Variants in TMEM114 observed in about 807,000 individuals in gnomAD.
TMEM114 encodes claudin-26.
TMEM114 carries 6 observed loss-of-function variants against 6.2 expected under a neutral mutation model. The ratio of observed to expected loss-of-function variants is 0.97; its 90% CI spans 0.53 to 1.91. The LOEUF (loss-of-function observed/expected upper bound fraction) is 1.91, where lower values mean the gene tolerates loss of function less well. Ranked by LOEUF, TMEM114 falls within the 40% of genes most tolerant of loss-of-function variation. The pLI is 0.01. For missense variants in TMEM114, 218 were observed against 158.3 expected (o/e 1.38, Z -2.02); for synonymous variants, 104 against 73.0 (o/e 1.42, Z -2.16).
At chr16:8,572,283 T>C in intron 2 of TMEM114, 59 bp from the exon 3 acceptor site, 1 of 1,544,164 alleles carries the variant, frequency 6.5e-7, no homozygotes, top group Non-Finnish European at 8.8e-7. Context: ...CTTCATTCAA[T>C]CAACAAACAC....
intron 2 of TMEM114, among the ~76,000 whole-genome samples, chr16:8,541,035 G>A (rs1900501706): frequency 1.3e-5 from 2 of 151,982 alleles, no homozygotes; most frequent in African/African-American, 4.8e-5. Context: ...GTAGAGTGAG[G>A]TGAGGCTGAG....
At chr16:8,569,404 T>A (rs1045079039), downstream of TMEM114, 19 of 1,057,652 alleles carry the variant, frequency 1.8e-5, no homozygotes, top group African/African-American at 2.8e-4. Context: ...CCTCTCCCTT[T>A]CCCAGACCCA....
At chr16:8,541,090 G>A (rs1009957201) in intron 2 of TMEM114, among the ~76,000 whole-genome samples, 1 of 152,110 alleles carries the variant, frequency 6.6e-6, no homozygotes, top group African/African-American at 2.4e-5. Context: ...TGATAATAAT[G>A]ACCACAAATA....
intron 2 of TMEM114, among the ~76,000 whole-genome samples, chr16:8,576,284 C>G (rs1260025233): frequency 6.6e-6 from 1 of 152,160 alleles, no homozygotes; most frequent in Admixed American, 6.6e-5. Flanking sequence ...CTGATATTAC[C>G]CAGTCCAGAA....
chr16:8,577,935 T>C (rs1272912927), intron 2 of TMEM114, among the ~76,000 whole-genome samples: 1 of 152,104 alleles, frequency 6.6e-6, no homozygotes, highest in Non-Finnish European at 1.5e-5. Flanking sequence ...CAGAAACAAA[T>C]GCCTTTGGGT....
At chr16:8,577,948 C>T (rs1304535291) in intron 2 of TMEM114, among the ~76,000 whole-genome samples, 3 of 152,150 alleles carry the variant, frequency 2.0e-5, no homozygotes. Flanking sequence ...CTTTGGGTCC[C>T]CAGTGAGGGC....
chr16:8,560,456 A>C (rs550871383), intron 2 of TMEM114, among the ~76,000 whole-genome samples: 9 of 152,232 alleles, frequency 5.9e-5, no homozygotes, highest in African/African-American at 2.2e-4. Flanking sequence ...CCATGTTAAC[A>C]AAAGTTTGCA....
intron 2 of TMEM114, among the ~76,000 whole-genome samples, chr16:8,539,176 C>G (rs1900447196): frequency 6.6e-6 from 1 of 152,118 alleles, no homozygotes; most frequent in African/African-American, 2.4e-5. Context: ...TAACGTCTGC[C>G]TGGTGTGCGG....
chr16:8,584,746 A>T (rs543528397), intron 2 of TMEM114, among the ~76,000 whole-genome samples: 1 of 151,910 alleles, frequency 6.6e-6, no homozygotes, highest in African/African-American at 2.4e-5. Context: ...ACGTGGTGAA[A>T]CCCCATCTCT....
intron 1 of TMEM114, 148 bp from the exon 2 acceptor site, chr16:8,589,441 C>A (rs1237904453): frequency 5.0e-6 from 2 of 398,124 alleles, no homozygotes; most frequent in East Asian, 7.1e-5. Flanking sequence ...CAGCCGGGTG[C>A]CTCTCGGAAG....
At chr16:8,569,393 C>T (rs1345730935), downstream of TMEM114, 5 of 1,014,280 alleles carry the variant, frequency 4.9e-6, no homozygotes, top group Non-Finnish European at 6.0e-6. Context: ...AGGTAGGGCA[C>T]CCTCTCCCTT....
intron 2 of TMEM114, among the ~76,000 whole-genome samples, chr16:8,547,908 A>T (rs935676500): frequency 6.6e-6 from 1 of 152,064 alleles, no homozygotes; most frequent in African/African-American, 2.4e-5. Context: ...CATTCCTTTG[A>T]TGGGCCTGTG....
chr16:8,562,028 A>ATGAGTGAGTAAATGAG (rs1901238663), intron 2 of TMEM114, among the ~76,000 whole-genome samples: 1 of 145,908 alleles, frequency 6.9e-6, no homozygotes. Flanking sequence ...GTGTGAGTGA[A>ATGAGTGAGTAAATGAG]TGAGTGAGTA....
chr16:8,538,981 T>C (rs1017056895), intron 2 of TMEM114, among the ~76,000 whole-genome samples: 1 of 152,206 alleles, frequency 6.6e-6, no homozygotes, highest in African/African-American at 2.4e-5. Flanking sequence ...TCTAGTCAAA[T>C]GCCTGGAATA....
intron 2 of TMEM114, among the ~76,000 whole-genome samples, chr16:8,553,650 A>T (rs1900914600): frequency 6.6e-6 from 1 of 151,682 alleles, no homozygotes; most frequent in African/African-American, 2.4e-5. Context: ...CACGCCTCCT[A>T]TTTTGTATTT....
chr16:8,564,791 TAGTG>T (rs1901471379), downstream of TMEM114, among the ~76,000 whole-genome samples: 1 of 73,110 alleles, frequency 1.4e-5, no homozygotes, highest in Non-Finnish European at 2.9e-5. Flanking sequence ...GTGAGTGAAT[TAGTG>T]AGTAAATGAG....
chr16:8,526,913 A>G, the TMEM114 span, among the ~76,000 whole-genome samples: 1 of 152,146 alleles, frequency 6.6e-6, no homozygotes, highest in Admixed American at 6.5e-5. Context: ...TGAACATGAA[A>G]ACATGCTGAG....
chr16:8,587,251 C>T (rs923568560), intron 2 of TMEM114, among the ~76,000 whole-genome samples: 1,725 of 152,240 alleles, frequency 0.011, 36 homozygotes, highest in African/African-American at 0.04. Context: ...TATTGAGCTC[C>T]ACCTACAATA....
intron 2 of TMEM114, among the ~76,000 whole-genome samples, chr16:8,546,070 A>G (rs1900656632): frequency 6.6e-6 from 1 of 152,162 alleles, no homozygotes; most frequent in Non-Finnish European, 1.5e-5. Flanking sequence ...AGCTATGATC[A>G]TGTCACTGCA....
Sources: gnomAD v4.1 joint callset for allele counts (sites outside exome capture counted in the v4.1 genomes callset) on GRCh38, gnomAD v4.1.1 for gene constraint, MANE v1.5 for transcripts, NCBI Gene and HGNC (gene_info 2026-07-23, HGNC 2026-07-21) for gene names.